Variants in REPS2 observed in about 807,000 individuals in gnomAD.
REPS2 encodes the protein RALBP1 associated Eps domain containing 2, also known as ralBP1-associated Eps domain-containing protein 2.
A neutral mutation model predicts 53.6 loss-of-function variants in REPS2; 23 were observed. The observed-to-expected ratio is 0.43, with a 90% confidence interval of 0.31 to 0.61. The LOEUF is 0.61. Ranked by LOEUF, REPS2 falls within the 20% of genes least tolerant of loss-of-function variation. The pLI, the probability that REPS2 is intolerant of heterozygous loss-of-function variation, is 0.11. For synonymous variants in REPS2, 238 were observed against 218.6 expected, an observed-to-expected ratio of 1.09 and a Z score of -0.78; for missense variants, 446 against 534.9, an observed-to-expected ratio of 0.83 and a Z score of 1.64.
chrX:17,032,288 G>T (rs1239694647), intron 5 of REPS2, among the ~76,000 whole-genome samples: 1 of 112,056 alleles, frequency 8.9e-6, no homozygotes, highest in Non-Finnish European at 1.9e-5. Flanking sequence ...CCCAAGTCCA[G>T]CAAAACTCTG....
chrX:17,039,817 T>G (rs2061809288), intron 5 of REPS2, among the ~76,000 whole-genome samples: 1 of 112,477 alleles, frequency 8.9e-6, no homozygotes, highest in African/African-American at 3.2e-5. Context: ...ATTACCGGAT[T>G]TACCTCGCAG....
At chrX:17,031,530 AC>A (rs1257683385) in intron 5 of REPS2, among the ~76,000 whole-genome samples, 1 of 112,403 alleles carries the variant, frequency 8.9e-6, no homozygotes. Context: ...TATAACACTA[AC>A]AGTTTCTGCC....
At chrX:16,977,540 C>T (rs1287679583) in intron 1 of REPS2, among the ~76,000 whole-genome samples, 1 of 108,998 alleles carries the variant, frequency 9.2e-6, no homozygotes, top group East Asian at 2.9e-4. Context: ...TAGGAAGACC[C>T]CCATCTCTAA....
intron 1 of REPS2, among the ~76,000 whole-genome samples, chrX:16,975,218 T>C (rs996449091): frequency 1.8e-5 from 2 of 112,322 alleles, no homozygotes; most frequent in African/African-American, 6.5e-5. Flanking sequence ...TTATATTCCT[T>C]TGGGTCTATA....
At chrX:17,042,890 C>T (rs868458824) in intron 5 of REPS2, among the ~76,000 whole-genome samples, 2 of 105,898 alleles carry the variant, frequency 1.9e-5, no homozygotes, top group South Asian at 4.0e-4. Flanking sequence ...TGACCTCCTG[C>T]GCTCAGGTGA....
At chrX:17,021,096 A>C (rs1938220702) in intron 2 of REPS2, among the ~76,000 whole-genome samples, 1 of 112,286 alleles carries the variant, frequency 8.9e-6, no homozygotes, top group Non-Finnish European at 1.9e-5. Flanking sequence ...TTGAAAGTGC[A>C]GCTGTGTTTT....
the REPS2 span, among the ~76,000 whole-genome samples, chrX:17,186,625 C>T: frequency 1.8e-5 from 2 of 112,090 alleles, no homozygotes; most frequent in Non-Finnish European, 3.8e-5. Flanking sequence ...CCAGGCTTTA[C>T]ATGTATTATT....
intron 14 of REPS2, among the ~76,000 whole-genome samples, chrX:17,108,270 T>G (rs1385243651): frequency 1.8e-5 from 2 of 108,569 alleles, no homozygotes; most frequent in Non-Finnish European, 3.8e-5. Context: ...ACCTCCCCGG[T>G]TCAAGCGATT....
chrX:17,131,665 A>T (rs1238289024), intron 14 of REPS2, among the ~76,000 whole-genome samples: 1 of 111,803 alleles, frequency 8.9e-6, no homozygotes, highest in African/African-American at 3.3e-5. Context: ...ACACACCTGA[A>T]GGCAGAAGAC....
intron 2 of REPS2, among the ~76,000 whole-genome samples, chrX:17,020,630 T>G (rs1476288992): frequency 2.0e-5 from 2 of 97,968 alleles, no homozygotes; most frequent in Non-Finnish European, 4.3e-5. Flanking sequence ...ATTGCCTGCT[T>G]CTTTTTTTTT....
At chrX:17,049,544 A>C (rs1247205644) in intron 6 of REPS2, among the ~76,000 whole-genome samples, 1 of 112,343 alleles carries the variant, frequency 8.9e-6, no homozygotes, top group African/African-American at 3.2e-5. Context: ...AGAATAATAG[A>C]ATAAAGATAT....
the REPS2 span, among the ~76,000 whole-genome samples, chrX:17,179,460 A>G: frequency 1.8e-5 from 2 of 111,296 alleles, no homozygotes; most frequent in East Asian, 2.8e-4. Flanking sequence ...ATCCTGACTC[A>G]GCTCCTAACT....
At position 17,131,741 on chromosome X, in the gene REPS2, C is replaced by T. The variant is rs190797962; in HGVS notation, c.1579-2083C>T. Among the ~76,000 whole-genome samples, 15 of 111,124 alleles carry T rather than the reference C, an allele frequency of 1.3e-4. No individual in the cohort carries two copies. The East Asian group carries it at 4.2e-3, about 31-fold the overall frequency. On this transcript the variant is annotated intron_variant, in intron 14 of 17. Coordinates refer to ENST00000357277, the MANE Select transcript of REPS2 (RefSeq NM_004726.3). Reference sequence around the variant, plus strand: ...AGTCACCCTGTGTTCTTCCACTTGACTGATTGGCACCCACTCTGTCTTGAA... The same window carrying T: ...AGTCACCCTGTGTTCTTCCACTTGATTGATTGGCACCCACTCTGTCTTGAA...
chrX:17,079,446 C>A (rs1298114256), intron 13 of REPS2, among the ~76,000 whole-genome samples: 2 of 111,955 alleles, frequency 1.8e-5, no homozygotes, highest in African/African-American at 6.5e-5. Context: ...TGTACTTTTT[C>A]TTGTTTTGCT....
chrX:17,045,400 T>G (rs2061892462), intron 5 of REPS2, among the ~76,000 whole-genome samples: 1 of 110,689 alleles, frequency 9.0e-6, no homozygotes, highest in Non-Finnish European at 1.9e-5. Context: ...GTAAGTTCCC[T>G]TAGCTCGGAA....
chrX:17,023,643 A>G (rs145106310), intron 3 of REPS2, among the ~76,000 whole-genome samples: 81 of 111,295 alleles, frequency 7.3e-4, no homozygotes, highest in African/African-American at 2.6e-3. Context: ...GACACATTTT[A>G]AATCAGTTCT....
At chrX:17,101,116 T>C (rs941145717) in intron 13 of REPS2, among the ~76,000 whole-genome samples, 1 of 103,354 alleles carries the variant, frequency 9.7e-6, no homozygotes, top group Non-Finnish European at 2.0e-5. Flanking sequence ...TGCAGTGGTG[T>C]GATCTCGGCT....
intron 1 of REPS2, among the ~76,000 whole-genome samples, chrX:16,998,620 A>T (rs1027773326): frequency 8.9e-6 from 1 of 111,770 alleles, no homozygotes; most frequent in African/African-American, 3.3e-5. Context: ...CCAAAAAGGG[A>T]TTCGGATTTT....
intron 8 of REPS2, among the ~76,000 whole-genome samples, chrX:17,060,956 G>A (rs1430290952): frequency 9.0e-6 from 1 of 111,410 alleles, no homozygotes; most frequent in Non-Finnish European, 1.9e-5. Flanking sequence ...GCAGCGGGGT[G>A]CTTGCAATGG....
Sources: gnomAD v4.1 joint callset for allele counts (sites outside exome capture counted in the v4.1 genomes callset) on GRCh38, gnomAD v4.1.1 for gene constraint, MANE v1.5 for transcripts, NCBI Gene and HGNC (gene_info 2026-07-23, HGNC 2026-07-21) for gene names.